TNC: variants seen among roughly 807,000 people sequenced by gnomAD.
The protein encoded by TNC is tenascin C, also known as tenascin.
Under a neutral mutation model 202.4 loss-of-function variants are expected in TNC, and 109 were observed. The ratio of observed to expected loss-of-function variants is 0.54; its 90% CI spans 0.46 to 0.63. The LOEUF is 0.63. Ranked by LOEUF, TNC falls within the 30% of genes least tolerant of loss-of-function variation. The pLI is 0.00. For synonymous variants in TNC, 1,007 were observed against 1,089.7 expected (o/e 0.92, Z 1.50); for missense variants, 2,756 against 2,833.3 (o/e 0.97, Z 0.62).
chr9:115,107,480 G>A (rs1022917913), intron 1 of TNC, among the ~76,000 whole-genome samples: 4 of 152,144 alleles, frequency 2.6e-5, no homozygotes, highest in African/African-American at 4.8e-5. Flanking sequence ...ATTTTGTTGA[G>A]TGCCTATTAT....
chr9:115,039,430 A>G (rs1295563064), intron 19 of TNC, among the ~76,000 whole-genome samples: 1 of 152,252 alleles, frequency 6.6e-6, no homozygotes, highest in African/African-American at 2.4e-5. Context: ...AGTCTTAAGT[A>G]TGGTTTTCAA....
At chr9:115,107,856 T>C (rs1836733927) in intron 1 of TNC, among the ~76,000 whole-genome samples, 1 of 152,254 alleles carries the variant, frequency 6.6e-6, no homozygotes, top group Non-Finnish European at 1.5e-5. Flanking sequence ...CTTTGGTGGC[T>C]GTGCACATGT....
At position 115,048,378 on chromosome 9, in the gene TNC, T is replaced by A; in HGVS notation, c.4734A>T (p.Ser1578=). ...TAAGCTCCAGCTTCCTCTGGGTTCC[T>A]GAAAGTGTGAATTCCTGGGGGTCCA... is the stretch of plus-strand genomic sequence containing the variant. ...KLLDPQEFTL[S]GTQRKLELRG... Residue 1578 remains serine, a synonymous_variant, in exon 16 of 28, where the codon TCA becomes TCT. Coordinates refer to ENST00000350763, the MANE Select transcript of TNC (RefSeq NM_002160.4). 1 of 1,614,076 alleles carries A rather than the reference T, an allele frequency of 6.2e-7. No individual in the cohort carries two copies.
intron 2 of TNC, 35 bp downstream of exon 2, chr9:115,090,527 C>T: frequency 1.3e-6 from 2 of 1,488,056 alleles, no homozygotes; most frequent in South Asian, 2.7e-5. Flanking sequence ...TCCATGTTTG[C>T]ACAGTGTGGG....
intron 19 of TNC, among the ~76,000 whole-genome samples, chr9:115,039,002 AT>A (rs1830542165): frequency 6.6e-6 from 1 of 151,878 alleles, no homozygotes; most frequent in Non-Finnish European, 1.5e-5. Context: ...TAACTTTTGT[AT>A]TTTCAGTAGA....
At chr9:115,053,369 G>A (rs1482063441) in intron 15 of TNC, among the ~76,000 whole-genome samples, 1 of 152,192 alleles carries the variant, frequency 6.6e-6, no homozygotes, top group Non-Finnish European at 1.5e-5. Context: ...TCTAAAGTTT[G>A]TACTGGGGAC....
intron 1 of TNC, among the ~76,000 whole-genome samples, chr9:115,099,150 G>A (rs549762400): frequency 6.6e-6 from 1 of 152,194 alleles, no homozygotes; most frequent in South Asian, 2.1e-4. Context: ...TGCTGGGGGA[G>A]CCAGTGATTA....
chr9:115,041,108 G>A (rs1370967502), intron 18 of TNC, 24 bp from the exon 19 acceptor site: 1 of 1,593,938 alleles, frequency 6.3e-7, no homozygotes, highest in Non-Finnish European at 8.6e-7. Flanking sequence ...AAAGCAAGAT[G>A]AGGAATAATG....
intron 1 of TNC, among the ~76,000 whole-genome samples, chr9:115,094,930 A>G (rs1835522187): frequency 6.6e-6 from 1 of 151,736 alleles, no homozygotes; most frequent in Non-Finnish European, 1.5e-5. Flanking sequence ...GACAAATTTC[A>G]GCACAACAGG....
rs11323889 is a variant in TNC, at chr9:115,062,608, CA to C, written c.4033+308del. On this transcript the variant is annotated intron_variant, in intron 13 of 27. Coordinates refer to ENST00000350763, the MANE Select transcript of TNC (RefSeq NM_002160.4). ...TGGGCAAAAGAATGAGACCCTGACT[CA>C]AAAAAAAAAAAAAAAGTATATATCT... Among the ~76,000 whole-genome samples the C allele has an allele frequency of 0.53, 60,874 of 114,216 alleles. 13,563 individuals carry two copies. The highest frequency in any genetic ancestry group is 0.63 in the African/African-American group (19,908 of 31,556). 74.9% of individuals were successfully genotyped at this position (114,216 alleles called of 152,430 possible).
Position 115,076,109 on chromosome 9 carries a change from C to T in TNC, c.2873G>A (p.Gly958Glu), listed in dbSNP as rs1249761641. The T allele has an allele frequency of 8.7e-6, 14 of 1,614,074 alleles. No individual in the cohort carries two copies. Among genetic ancestry groups the T allele is most frequent in the Non-Finnish European group, 1.2e-5 (14 of 1,179,990 alleles). Residue 958 changes from glycine (G) to glutamate (E), a missense_variant, in exon 9 of 28, where the codon GGA becomes GAA. Gly to Glu is a moderately conservative substitution (Grantham distance 98). Transcript: ENST00000350763. ...AGAAACTCCAATCCCATATTCAGTT[C>T]CCGGCCTCAGACCTAAGGAGAGAAT... ...TKTTLTGLRP[G>E]TEYGIGVSAV... is the part of the protein sequence containing the mutation.
At chr9:115,042,795 G>A (rs115542730) in intron 17 of TNC, among the ~76,000 whole-genome samples, 2,146 of 152,258 alleles carry the variant, frequency 0.014, 56 homozygotes, top group African/African-American at 0.05. Context: ...TGTGATTATA[G>A]CCATTTTACA....
rs1351308842 is a variant in TNC at position 115,060,021 on chromosome 9, G to A, written c.4034-19C>T. Reference sequence around the variant, plus strand: ...AGATCCTCTGAAGAAGGACAGAAAAGTATTTGTCAGTTCTATAAACCAAAA... The same window carrying A: ...AGATCCTCTGAAGAAGGACAGAAAAATATTTGTCAGTTCTATAAACCAAAA... On this transcript the variant is annotated intron_variant, in intron 13 of 27. Transcript: ENST00000350763. The A allele has an allele frequency of 1.3e-6, 2 of 1,593,212 alleles. No homozygotes were observed. The highest frequency in any genetic ancestry group is 1.7e-6 in the Non-Finnish European group (2 of 1,167,724).
chr9:115,059,745 C>T lies in TNC; in HGVS notation c.4291G>A (p.Ala1431Thr), dbSNP rs1291372730. Residue 1431 changes from alanine (A) to threonine (T), a missense_variant, in exon 14 of 28, where the codon GCT becomes ACT. This residue lies in a region of TNC where 2,559 missense variants were observed against 2,546.0 expected (regional missense o/e 1.01). Coordinates refer to ENST00000350763, the MANE Select transcript of TNC (RefSeq NM_002160.4). ...GAGGAAGTACCTGTGGAGGCCTCAG[C>T]AGAGAGTACTGGTGTTCTATAGCCC... ...IRGYRTPVLSAEASTAKEPEI... is the reference protein window; with the variant it reads ...IRGYRTPVLSTEASTAKEPEI... 2.5e-6 allele frequency: 4 copies of T among 1,603,844 alleles called. No homozygotes were observed. The highest frequency in any genetic ancestry group is 2.2e-5 in the South Asian group (2 of 90,490).
intron 5 of TNC, 126 bp from the exon 6 acceptor site, chr9:115,082,054 T>C (rs1179652153): frequency 2.3e-6 from 2 of 864,532 alleles, no homozygotes; most frequent in Non-Finnish European, 3.5e-6. Flanking sequence ...GCACTTACTA[T>C]GCATCAGATC....
At chr9:115,048,673 A>C (rs1831402360) in intron 15 of TNC, 141 bp from the exon 16 acceptor site, 1 of 844,344 alleles carries the variant, frequency 1.2e-6, no homozygotes, top group Non-Finnish European at 1.8e-6. Context: ...AAATTCAGTA[A>C]GAACTTATTG....
intron 1 of TNC, among the ~76,000 whole-genome samples, chr9:115,096,436 T>C (rs1835798075): frequency 6.6e-6 from 1 of 152,180 alleles, no homozygotes; most frequent in Non-Finnish European, 1.5e-5. Context: ...ATGAAGAACA[T>C]CTCTATCATC....
In TNC at chr9:115,030,826, G is replaced by T. The variant is rs191532630; in HGVS notation, c.5921-421C>A. On this transcript the variant is annotated intron_variant, in intron 23 of 27. Transcript: ENST00000350763. ...GGCTCTCCAAAGGCCAGCTCCTCTG[G>T]TCCTCAGGAATGGATGCCACTCTTA... Among the ~76,000 whole-genome samples the T allele has an allele frequency of 1.1e-4, 17 of 152,306 alleles. No individual in the cohort carries two copies. The East Asian group carries it at 3.3e-3, about 29-fold the overall frequency.
At chr9:115,039,000 G>A (rs1830541963) in intron 19 of TNC, among the ~76,000 whole-genome samples, 1 of 152,102 alleles carries the variant, frequency 6.6e-6, no homozygotes, top group Admixed American at 6.5e-5. Flanking sequence ...GCTAACTTTT[G>A]TATTTTCAGT....
Sources: allele counts gnomAD v4.1 joint callset (sites outside exome capture counted in the v4.1 genomes callset), GRCh38; gene constraint gnomAD v4.1.1; regional missense constraint gnomAD v4.1.1; transcripts MANE v1.5; gene names NCBI Gene and HGNC (gene_info 2026-07-23, HGNC 2026-07-21).